The following PPP1CA variants were observed in gnomAD, a reference collection of about 807,000 sequenced individuals.
The protein encoded by PPP1CA is protein phosphatase 1 catalytic subunit alpha.
A neutral mutation model predicts 38.5 loss-of-function variants in PPP1CA; 14 were observed. That is an observed-to-expected ratio of 0.36 (90% CI 0.24 to 0.57). The LOEUF is 0.57. Among genes scored for constraint, PPP1CA ranks in the 20% least tolerant of loss-of-function variants. PPP1CA has a pLI of 0.80. For synonymous variants in PPP1CA, 200 were observed against 177.3 expected, an observed-to-expected ratio of 1.13 and a Z score of -1.02; for missense variants, 277 against 435.2, an observed-to-expected ratio of 0.64 and a Z score of 3.23.
chr11:67,401,397 G>C, intron 1 of PPP1CA, 198 bp from the exon 2 acceptor site: 2 of 895,308 alleles, frequency 2.2e-6, no homozygotes, highest in Non-Finnish European at 3.3e-6. Context: ...TCAGCGCCTC[G>C]GGAGGCGACT....
chr11:67,400,059 C>G lies in PPP1CA; in HGVS notation c.419-394G>C, dbSNP rs182403909. ...GGCTGAGGCAGGAGAATCGCTTGAA[C>G]CCAGGAGACGGAGGTTGTGGTGAGC... is the stretch of plus-strand genomic sequence containing the variant. On this transcript the variant is annotated intron_variant, in intron 3 of 6. Transcript: ENST00000376745. 8.8e-4 allele frequency among the ~76,000 whole-genome samples: 134 copies of G among 152,270 alleles called. 1 individual carries two copies. Among genetic ancestry groups the G allele is most frequent in the African/African-American group, 3.2e-3 (134 of 41,550 alleles).
rs1475611492 is a variant in PPP1CA at position 67,401,856 on chromosome 11, C to T, written c.-74G>A. The T allele has an allele frequency of 2.5e-6, 3 of 1,220,752 alleles. No homozygotes were observed. Among genetic ancestry groups the T allele is most frequent in the Middle Eastern group, 2.7e-4 (1 of 3,700 alleles). 75.6% of individuals were successfully genotyped at this position (1,220,752 alleles called of 1,614,324 possible). On this transcript the variant is annotated 5_prime_UTR_variant, in exon 1 of 7. Coordinates refer to ENST00000376745, the MANE Select transcript of PPP1CA (RefSeq NM_002708.4). ...CCGCCCTCCGGCAGCCTCCTTCCGG[C>T]CTGGCTCTCCTTCCGCCCGCCCCAG...
At chr11:67,400,979 G>T in intron 2 of PPP1CA, 60 bp from the exon 3 acceptor site, 1 of 1,608,802 alleles carries the variant, frequency 6.2e-7, no homozygotes, top group Non-Finnish European at 8.5e-7. Context: ...CCAGGGCCAG[G>T]ACTGCGCTCA....
At chr11:67,399,290 A>T (rs1862827169) in intron 4 of PPP1CA, 127 bp from the exon 5 acceptor site, 4 of 894,430 alleles carry the variant, frequency 4.5e-6, no homozygotes, top group Non-Finnish European at 6.9e-6. Context: ...GCGCCTAGAC[A>T]GGCAGAAGTC....
chr11:67,400,753 G>A lies in PPP1CA; in HGVS notation c.354C>T (p.Phe118=), dbSNP rs748972777. 9 of 1,614,130 alleles carry A rather than the reference G, an allele frequency of 5.6e-6. No individual in the cohort carries two copies. The highest frequency in any genetic ancestry group is 5.0e-5 in the Admixed American group (3 of 60,028). Residue 118 remains phenylalanine (F), a synonymous_variant, in exon 3 of 7, where the codon TTC becomes TTT. Transcript: ENST00000376745. ...LAYKIKYPEN[F]FLLRGNHECA... is the part of the protein sequence containing the mutation. ...ACTCGTGGTTCCCACGGAGCAGGAA[G>A]AAGTTCTCGGGGTACTTGATCTTAT... is the stretch of plus-strand genomic sequence containing the variant.
intron 1 of PPP1CA, chr11:67,401,495 A>G (rs1862888114): frequency 1.2e-5 from 7 of 575,052 alleles, no homozygotes; most frequent in African/African-American, 1.9e-5. Context: ...TCGCCCCAAG[A>G]GCCCAGGCAA....
At position 67,399,128 on chromosome 11, in the gene PPP1CA, G is replaced by A. The variant is rs746578350; in HGVS notation, c.559C>T (p.Arg187Trp). 3 of 1,613,514 alleles carry A rather than the reference G, an allele frequency of 1.9e-6. No homozygotes were observed. The highest frequency in any genetic ancestry group is 1.7e-6 in the Non-Finnish European group (2 of 1,180,016). ...SPDLQSMEQI[R>W]RIMRPTDVPD... ...ACATCTGTGGGCCGCATGATCCGCC[G>A]AATCTGCTCCATAGACTGCAGGTCC... is the stretch of plus-strand genomic sequence containing the variant. Residue 187 changes from arginine to tryptophan, a missense_variant, in exon 5 of 7, where the codon CGG becomes TGG. Arg to Trp is a moderately radical substitution (Grantham distance 101). This residue lies in a region of PPP1CA where 180 missense variants were observed against 356.7 expected (regional missense o/e 0.50). Transcript: ENST00000376745.
intron 3 of PPP1CA, 70 bp from the exon 4 acceptor site, chr11:67,399,735 G>C (rs2134982629): frequency 1.5e-6 from 2 of 1,308,620 alleles, no homozygotes; most frequent in East Asian, 5.0e-5. Context: ...GGGCTATTCA[G>C]CCGTGGCTGG....
At chr11:67,399,753 G>C (rs924812019) in intron 3 of PPP1CA, 88 bp from the exon 4 acceptor site, 6 of 1,094,516 alleles carry the variant, frequency 5.5e-6, no homozygotes, top group Admixed American at 2.0e-5. Flanking sequence ...TGGGAGGAGA[G>C]AGTCAGGCAC....
chr11:67,400,648 G>A (rs1463721029), intron 3 of PPP1CA, 41 bp downstream of exon 3: 2 of 1,572,546 alleles, frequency 1.3e-6, no homozygotes, highest in East Asian at 2.2e-5. Flanking sequence ...CAAAGAGTGC[G>A]GTTCAGGACC....
In PPP1CA at chr11:67,398,862, C is replaced by T. The variant is rs771042814; in HGVS notation, c.748-6G>A. ...TCGTAGCCGTCTTCTACCACCTGGG[C>T]GAGGATGGGAGCAGTCAGTCCCGAG... On this transcript the variant is annotated splice_polypyrimidine_tract_variant and splice_region_variant and intron_variant, in intron 5 of 6. Coordinates refer to ENST00000376745, the MANE Select transcript of PPP1CA (RefSeq NM_002708.4). The T allele has an allele frequency of 1.2e-5, 19 of 1,612,158 alleles. No individual in the cohort carries two copies. The highest frequency in any genetic ancestry group is 1.4e-5 in the Non-Finnish European group (17 of 1,179,952).
chr11:67,400,749 GGAA>G lies in PPP1CA; in HGVS notation c.355_357del (p.Phe119del), dbSNP rs1475680272. 6.2e-7 allele frequency: 1 copy of G among 1,614,098 alleles called. No homozygotes were observed. The highest frequency in any genetic ancestry group is 1.7e-5 in the Admixed American group (1 of 60,024). ...GCACACTCGTGGTTCCCACGGAGCAGGAAGAAGTTCTCGGGGTACTTGATCTTA... is the reference window on the plus strand; with the variant it reads ...GCACACTCGTGGTTCCCACGGAGCAGGAAGTTCTCGGGGTACTTGATCTTA... On this transcript the variant is annotated inframe_deletion, in exon 3 of 7. Coordinates refer to ENST00000376745, the MANE Select transcript of PPP1CA (RefSeq NM_002708.4).
intron 1 of PPP1CA, 115 bp from the exon 2 acceptor site, chr11:67,401,314 C>T: frequency 1.3e-6 from 2 of 1,530,962 alleles, no homozygotes; most frequent in Non-Finnish European, 1.8e-6. Context: ...CCTCCTTGCC[C>T]ACAGGCAGCT....
In PPP1CA at chr11:67,400,677, C is replaced by T. The variant is rs763252931; in HGVS notation, c.418+12G>A. ...CAGGACCCGGGCAGCCCCAGACGCT[C>T]AGACCACTCACACTCATCGTAGAAA... On this transcript the variant is annotated intron_variant, in intron 3 of 6. Coordinates refer to ENST00000376745, the MANE Select transcript of PPP1CA (RefSeq NM_002708.4). 1.9e-6 allele frequency: 3 copies of T among 1,613,024 alleles called. No individual in the cohort carries two copies. Among genetic ancestry groups the T allele is most frequent in the Non-Finnish European group, 2.5e-6 (3 of 1,179,658 alleles).
At position 67,401,797 on chromosome 11, in the gene PPP1CA, T is replaced by A; in HGVS notation, c.-15A>T. 6.8e-7 allele frequency: 1 copy of A among 1,462,196 alleles called. No individual in the cohort carries two copies. The highest frequency in any genetic ancestry group is 9.1e-7 in the Non-Finnish European group (1 of 1,097,354). The allele number at this position is 1,462,196 out of a possible 1,614,324, so 90.6% of individuals were successfully genotyped here. A position where few individuals can be genotyped will look rare whatever the true frequency, so the allele number is the denominator to read the frequency against. On this transcript the variant is annotated 5_prime_UTR_variant, in exon 1 of 7. Transcript: ENST00000376745. The stretch of plus-strand genomic sequence containing the variant: ...CTGTCGGACATGGCGGCGCCGCCGC[T>A]CCAGCCCAGCAGCTCCTGGCCCGCT...
intron 1 of PPP1CA, 117 bp downstream of exon 1, chr11:67,401,611 C>T (rs1382247497): frequency 1.6e-5 from 16 of 984,566 alleles, no homozygotes; most frequent in Non-Finnish European, 2.0e-5. Context: ...GCCACGGAAC[C>T]TCGCTGCCCG....
Position 67,398,311 on chromosome 11 carries a change from G to A in PPP1CA, c.*224C>T. 1 of 571,474 alleles carries A rather than the reference G, an allele frequency of 1.7e-6. No homozygotes were observed. The highest frequency in any genetic ancestry group is 3.0e-6 in the Non-Finnish European group (1 of 328,324). 35.4% of individuals were successfully genotyped at this position (571,474 alleles called of 1,614,324 possible). On this transcript the variant is annotated 3_prime_UTR_variant, in exon 7 of 7. Coordinates refer to ENST00000376745, the MANE Select transcript of PPP1CA (RefSeq NM_002708.4). ...GCCGTTGCCCTGAGCTGCAGCCTCG[G>A]CCCCAGGATCCTGCTCACAGTCACC...
chr11:67,398,937 C>T lies in PPP1CA; in HGVS notation c.747+3G>A, dbSNP rs747580459. 2.2e-5 allele frequency: 35 copies of T among 1,613,086 alleles called. No individual in the cohort carries two copies. Among genetic ancestry groups the T allele is most frequent in the Non-Finnish European group, 2.8e-5 (33 of 1,180,024 alleles). ...CTGCCGCAGGCCGGAGCCACCAGCC[C>T]ACCTGGTGTGCTCGGCAGATGAGGT... On this transcript the variant is annotated splice_donor_region_variant and intron_variant, in intron 5 of 6. Transcript: ENST00000376745.
intron 5 of PPP1CA, 29 bp downstream of exon 5, chr11:67,398,911 C>T (rs932245539): frequency 1.2e-6 from 2 of 1,612,264 alleles, no homozygotes; most frequent in Non-Finnish European, 8.5e-7. Flanking sequence ...CTCCCCTTCC[C>T]CTGCCGCAGG....
Sources: gnomAD v4.1 joint callset for allele counts (sites outside exome capture counted in the v4.1 genomes callset) on GRCh38, gnomAD v4.1.1 for gene constraint, gnomAD v4.1.1 regional missense constraint, MANE v1.5 for transcripts, NCBI Gene and HGNC (gene_info 2026-07-23, HGNC 2026-07-21) for gene names.